OTUB2: variants seen among roughly 807,000 people sequenced by gnomAD.
The protein encoded by OTUB2 is OTU deubiquitinase, ubiquitin aldehyde binding 2.
In OTUB2, 21 loss-of-function variants were observed where a neutral mutation model predicts 25.1. That is an observed-to-expected ratio of 0.84 (90% CI 0.59 to 1.21). OTUB2 has a LOEUF of 1.21. OTUB2 is among the 50% of genes most tolerant of loss of function. The probability of loss-of-function intolerance (pLI) is 0.00; values close to 1 mark genes in which losing one functional copy is unlikely to be tolerated. For missense variants in OTUB2, 283 were observed against 298.0 expected (o/e 0.95, Z 0.37); for synonymous variants, 122 against 122.8 (o/e 0.99, Z 0.04).
chr14:94,039,045 T>C lies in OTUB2; in HGVS notation c.182T>C (p.Leu61Pro), dbSNP rs752276641. 4.6e-5 allele frequency: 75 copies of C among 1,614,026 alleles called. No homozygotes were observed. Among genetic ancestry groups the C allele is most frequent in the African/African-American group, 1.1e-4 (8 of 74,924 alleles). Residue 61 changes from leucine to proline, a missense_variant, in exon 3 of 6, where the codon CTG (leucine) becomes CCG (proline). Transcript: ENST00000203664. ...TACAGGGCCTTGGGCTATTCCTACC[T>C]GGAGTCCCTGCTGGGGAAGAGCAGG... Reference protein sequence around the residue: ...CFYRALGYSYLESLLGKSREI... With the variant: ...CFYRALGYSYPESLLGKSREI...
intron 1 of OTUB2, among the ~76,000 whole-genome samples, chr14:94,027,382 C>T (rs1230613455): frequency 2.0e-5 from 3 of 152,204 alleles, no homozygotes; most frequent in Non-Finnish European, 4.4e-5. Flanking sequence ...GCATGGCTGC[C>T]TAAGACCCTT....
Position 94,043,995 on chromosome 14 carries a change from C to A in OTUB2, c.243C>A (p.Thr81=). Residue 81 remains threonine, a synonymous_variant, in exon 4 of 6, where the codon ACC becomes ACA. Coordinates refer to ENST00000203664, the MANE Select transcript of OTUB2 (RefSeq NM_023112.4). ...IFKFKERVLQ[T]PNDLLAAGFE... is the part of the protein sequence containing the mutation. ...GGTTCAAAGAACGCGTACTGCAGAC[C>A]CCAAATGACCTTCTGGCTGCTGGCT... The A allele has an allele frequency of 6.2e-7, 1 of 1,614,214 alleles. No homozygotes were observed.
Position 94,044,540 on chromosome 14 carries a change from G to A in OTUB2, c.304-46G>A, listed in dbSNP as rs542517903. 1.1e-5 allele frequency: 17 copies of A among 1,568,222 alleles called. No individual in the cohort carries two copies. The East Asian group carries it at 2.5e-4, about 23-fold the overall frequency. ...AGCGGAGGGAGAATGCAGAGGGAGG[G>A]CTGGGGCTTGCTTGGCCTCCCTAGC... On this transcript the variant is annotated intron_variant, in intron 4 of 5. Transcript: ENST00000203664.
At chr14:94,031,133 G>C (rs1884953680) in intron 1 of OTUB2, among the ~76,000 whole-genome samples, 1 of 151,860 alleles carries the variant, frequency 6.6e-6, no homozygotes, top group Non-Finnish European at 1.5e-5. Context: ...CTGAGGCCAG[G>C]CACTCATACC....
At chr14:94,026,785 C>G (rs578190101) in intron 1 of OTUB2, among the ~76,000 whole-genome samples, 74 of 152,326 alleles carry the variant, frequency 4.9e-4, no homozygotes, top group African/African-American at 1.7e-3. Context: ...GCCCCCGCCC[C>G]CAGCGTGTCC....
chr14:94,039,132 T>A, intron 3 of OTUB2, 51 bp downstream of exon 3: 1 of 1,426,428 alleles, frequency 7.0e-7, no homozygotes, highest in Non-Finnish European at 9.8e-7. Flanking sequence ...CTGTGCTAGG[T>A]CAGCCTCAAG....
In OTUB2 at chr14:94,044,666, G is replaced by A; in HGVS notation, c.384G>A (p.Ser128=). Residue 128 remains serine (S), a synonymous_variant, in exon 5 of 6, where the codon TCG becomes TCA. Transcript: ENST00000203664. ...AGGTGTTCAACGACCAGAGTGCCTC[G>A]GACCACATCGTGCAGTTCCTGCGCC... ...LLKVFNDQSA[S]DHIVQFLRLL... is the part of the protein sequence containing the mutation. The A allele has an allele frequency of 6.2e-7, 1 of 1,614,138 alleles. No homozygotes were observed. Among genetic ancestry groups the A allele is most frequent in the South Asian group, 1.1e-5 (1 of 91,086 alleles).
intron 3 of OTUB2, among the ~76,000 whole-genome samples, chr14:94,040,034 G>A (rs1306844031): frequency 2.6e-5 from 4 of 152,066 alleles, no homozygotes; most frequent in Non-Finnish European, 5.9e-5. Context: ...CCCCCTACCC[G>A]TGACATAGTA....
At chr14:94,030,852 G>T (rs963105481) in intron 1 of OTUB2, among the ~76,000 whole-genome samples, 2 of 152,012 alleles carry the variant, frequency 1.3e-5, no homozygotes, top group Non-Finnish European at 2.9e-5. Context: ...CGGGAAACCC[G>T]GGAGCCTCTA....
intron 3 of OTUB2, among the ~76,000 whole-genome samples, chr14:94,043,497 GAGAGTAACAACCCA>G (rs780755584): frequency 2.6e-5 from 4 of 152,220 alleles, no homozygotes; most frequent in Admixed American, 6.5e-5. Flanking sequence ...AGTAGGTGCA[GAGAGTAACAACCCA>G]GCATGCGCAG....
chr14:94,047,396 T>C lies in OTUB2; in HGVS notation c.*1474T>C, dbSNP rs1313018385. On this transcript the variant is annotated 3_prime_UTR_variant, in exon 6 of 6. Transcript: ENST00000203664. ...AATAGCACTCTCAGATATCAGGGGA[T>C]TTTAGTTCCAAGCAGGGACCCTGGT... The C allele has an allele frequency of 1.3e-5, 2 of 152,180 alleles. No homozygotes were observed. Among genetic ancestry groups the C allele is most frequent in the Non-Finnish European group, 2.9e-5 (2 of 68,036 alleles). The allele number at this position is 152,180 out of a possible 1,614,324, so 9.4% of individuals were successfully genotyped here.
At position 94,046,008 on chromosome 14, in the gene OTUB2, A is replaced by G; in HGVS notation, c.*86A>G. On this transcript the variant is annotated 3_prime_UTR_variant, in exon 6 of 6. Coordinates refer to ENST00000203664, the MANE Select transcript of OTUB2 (RefSeq NM_023112.4). ...TTCCGGCTCTTCAATTTTTTAAGCA[A>G]TTTAGACTGTAGCAAGAAAATGTGC... is the stretch of plus-strand genomic sequence containing the variant. 1 of 1,444,530 alleles carries G rather than the reference A, an allele frequency of 6.9e-7. No homozygotes were observed. The highest frequency in any genetic ancestry group is 1.7e-4 in the Middle Eastern group (1 of 5,766). 89.5% of individuals were successfully genotyped at this position (1,444,530 alleles called of 1,614,324 possible). A position where few individuals can be genotyped will look rare whatever the true frequency, so the allele number is the denominator to read the frequency against.
intron 1 of OTUB2, among the ~76,000 whole-genome samples, chr14:94,032,355 T>G (rs1884980165): frequency 6.6e-6 from 1 of 152,224 alleles, no homozygotes; most frequent in Non-Finnish European, 1.5e-5. Context: ...AATAGTATTA[T>G]GCAAACTTAA....
At chr14:94,038,928 G>A in intron 2 of OTUB2, 35 bp from the exon 3 acceptor site, 2 of 1,593,616 alleles carry the variant, frequency 1.3e-6, no homozygotes, top group Non-Finnish European at 1.7e-6. Context: ...GCCGTTGTTG[G>A]TGCAAATGCC....
Position 94,047,260 on chromosome 14 carries a change from T to A in OTUB2, c.*1338T>A, listed in dbSNP as rs1184165148. ...ATTTACTGGAATCTATTGGTGCTGC[T>A]GCATGAGTCTGCTGACAACCTGACT... On this transcript the variant is annotated 3_prime_UTR_variant, in exon 6 of 6. Coordinates refer to ENST00000203664, the MANE Select transcript of OTUB2 (RefSeq NM_023112.4). 1 of 152,238 alleles carries A rather than the reference T, an allele frequency of 6.6e-6. No homozygotes were observed. Among genetic ancestry groups the A allele is most frequent in the African/African-American group, 2.4e-5 (1 of 41,452 alleles). The allele number at this position is 152,238 out of a possible 1,614,324, so 9.4% of individuals were successfully genotyped here. A position where few individuals can be genotyped will look rare whatever the true frequency, so the allele number is the denominator to read the frequency against.
Position 94,026,359 on chromosome 14 carries a change from G to A in OTUB2, c.-179G>A. 1 of 1,231,786 alleles carries A rather than the reference G, an allele frequency of 8.1e-7. No homozygotes were observed. The highest frequency in any genetic ancestry group is 1.0e-6 in the Non-Finnish European group (1 of 986,678). 76.3% of individuals were successfully genotyped at this position (1,231,786 alleles called of 1,614,324 possible). ...AATCGCAGGGCGTGTGTCTTGCTGG[G>A]ACACAGTGGAGGTCTAACCTTTGGT... On this transcript the variant is annotated 5_prime_UTR_variant, in exon 1 of 6. Transcript: ENST00000203664.
chr14:94,044,054 CT>C lies in OTUB2; in HGVS notation c.303del (p.Tyr103ThrfsTer7). Reference sequence around the variant, plus strand: ...CACAAGTTCAGAAACTTCTTCAATGCTGTGAGTTCACCTGGTCCCTCCTTCC... The same window carrying C: ...CACAAGTTCAGAAACTTCTTCAATGCGTGAGTTCACCTGGTCCCTCCTTCC... ...EEHKFRNFFN[A>X]FYSVVELVEK... On this transcript the variant is annotated frameshift_variant and splice_region_variant, in exon 4 of 6. Transcript: ENST00000203664. LOFTEE classifies it high-confidence loss of function. 1 of 1,613,818 alleles carries C rather than the reference CT, an allele frequency of 6.2e-7. No homozygotes were observed. The highest frequency in any genetic ancestry group is 8.5e-7 in the Non-Finnish European group (1 of 1,179,674).
chr14:94,043,731 G>T (rs1162708967), intron 3 of OTUB2, among the ~76,000 whole-genome samples: 1 of 152,202 alleles, frequency 6.6e-6, no homozygotes, highest in Non-Finnish European at 1.5e-5. Context: ...CGCCCTTGTC[G>T]TATCGTCTTT....
intron 2 of OTUB2, 58 bp downstream of exon 2, chr14:94,037,533 G>A: frequency 1.6e-6 from 2 of 1,277,088 alleles, no homozygotes; most frequent in Admixed American, 2.0e-5. Context: ...AGTTGGGAGT[G>A]TAATGGTGAT....
Sources: allele counts gnomAD v4.1 joint callset (sites outside exome capture counted in the v4.1 genomes callset), GRCh38; gene constraint gnomAD v4.1.1; transcripts MANE v1.5; gene names NCBI Gene and HGNC (gene_info 2026-07-23, HGNC 2026-07-21).